Variants in COX18 observed in about 807,000 individuals in gnomAD.
COX18 encodes cytochrome c oxidase assembly protein COX18, mitochondrial.
A neutral mutation model predicts 38.0 loss-of-function variants in COX18; 45 were observed. That is an observed-to-expected ratio of 1.18 (90% CI 0.93 to 1.52). COX18 has a LOEUF of 1.52. COX18 is among the 40% of genes most tolerant of loss of function. COX18 has a pLI of 0.00. For missense variants in COX18, 462 were observed against 423.8 expected, an observed-to-expected ratio of 1.09 and a Z score of -0.79; for synonymous variants, 177 against 169.8, an observed-to-expected ratio of 1.04 and a Z score of -0.33.
chr4:73,057,975 A>G lies in COX18; in HGVS notation c.*139T>C. The G allele has an allele frequency of 1.6e-6, 1 of 629,594 alleles. No individual in the cohort carries two copies. Among genetic ancestry groups the G allele is most frequent in the Non-Finnish European group, 2.7e-6 (1 of 376,158 alleles). The allele number at this position is 629,594 out of a possible 1,614,324, so 39.0% of individuals were successfully genotyped here. On this transcript the variant is annotated 3_prime_UTR_variant, in exon 6 of 6. Coordinates refer to ENST00000507544, the MANE Select transcript of COX18 (RefSeq NM_001297732.2). ...GCATGAGCCACTGTGCCTGGTCTGG[A>G]TTACATCTTAACCTACAATATTTCA...
intron 5 of COX18, 31 bp downstream of exon 5, chr4:73,061,782 C>T (rs1720171891): frequency 8.3e-7 from 1 of 1,207,532 alleles, no homozygotes. Context: ...GGATTTAGCA[C>T]ATGCTACACA....
chr4:73,065,390 C>T lies in COX18; in HGVS notation c.458G>A (p.Arg153Lys), dbSNP rs1019343228. 6.2e-7 allele frequency: 1 copy of T among 1,612,790 alleles called. No homozygotes were observed. The highest frequency in any genetic ancestry group is 8.5e-7 in the Non-Finnish European group (1 of 1,179,418). ...CACATATAGCTCTGAAATTAGCCTC[C>T]TCATATTCTTTAGATAAGTGAGCCT... ...DARLTYLKNM[R>K]RLISELYVRD... Residue 153 changes from arginine (R) to lysine (K), a missense_variant, in exon 3 of 6, where the codon AGG (arginine) becomes AAG (lysine). Physicochemically the swap from Arg to Lys is conservative, Grantham distance 26. Transcript: ENST00000507544.
At chr4:73,058,418 C>A in intron 5 of COX18, 131 bp from the exon 6 acceptor site, 1 of 636,330 alleles carries the variant, frequency 1.6e-6, no homozygotes, top group South Asian at 2.5e-5. Flanking sequence ...GCAGCAGCTA[C>A]TAGATTCCTG....
intron 2 of COX18, among the ~76,000 whole-genome samples, 165 bp downstream of exon 2, chr4:73,067,864 A>AAAAAAAAAATATAT: frequency 7.0e-4 from 14 of 20,012 alleles, no homozygotes; most frequent in Admixed American, 1.2e-3. Context: ...AAAAAAAAAA[A>AAAAAAAAAATATAT]ATATATATAT....
intron 3 of COX18, 23 bp downstream of exon 3, chr4:73,065,227 G>T: frequency 2.0e-6 from 3 of 1,504,186 alleles, no homozygotes; most frequent in Non-Finnish European, 2.7e-6. Context: ...GAACTTCTTT[G>T]GGAGAAGACA....
In COX18 at chr4:73,052,395, A is replaced by C. The variant is rs140166062; in HGVS notation, c.*5719T>G. The C allele has an allele frequency of 4.5e-4, 69 of 152,066 alleles. 2 individuals are homozygous for C. The East Asian group carries it at 0.012, about 26-fold the overall frequency. 9.4% of individuals were successfully genotyped at this position (152,066 alleles called of 1,614,324 possible). On this transcript the variant is annotated 3_prime_UTR_variant, in exon 6 of 6. Transcript: ENST00000507544. Reference sequence around the variant, plus strand: ...ATAGTTGTATTTTTATTTTTATATAAATTTATATTCTTATTTTAGTTGTAT... The same window carrying C: ...ATAGTTGTATTTTTATTTTTATATACATTTATATTCTTATTTTAGTTGTAT...
At chr4:73,062,037 A>G (rs1720196866) in intron 4 of COX18, 117 bp from the exon 5 acceptor site, 1 of 604,436 alleles carries the variant, frequency 1.7e-6, no homozygotes, top group Non-Finnish European at 2.9e-6. Context: ...AATAAAAGTT[A>G]TATATATACA....
Position 73,056,980 on chromosome 4 carries a change from G to C in COX18, c.*1134C>G, listed in dbSNP as rs1361853347. 1 of 152,060 alleles carries C rather than the reference G, an allele frequency of 6.6e-6. No homozygotes were observed. Among genetic ancestry groups the C allele is most frequent in the African/African-American group, 2.4e-5 (1 of 41,334 alleles). 9.4% of individuals were successfully genotyped at this position (152,060 alleles called of 1,614,324 possible). A position where few individuals can be genotyped will look rare whatever the true frequency, so the allele number is the denominator to read the frequency against. On this transcript the variant is annotated 3_prime_UTR_variant, in exon 6 of 6. Coordinates refer to ENST00000507544, the MANE Select transcript of COX18 (RefSeq NM_001297732.2). The stretch of plus-strand genomic sequence containing the variant: ...TACTAAAAATACAAAACTTAGCTGG[G>C]CATGGTGGTGCACCCCTGTAGTCCC...
intron 2 of COX18, among the ~76,000 whole-genome samples, chr4:73,067,523 A>G (rs1720508210): frequency 6.6e-6 from 1 of 152,080 alleles, no homozygotes; most frequent in Admixed American, 6.6e-5. Context: ...TGAAACTATC[A>G]TGCCATATTA....
intron 2 of COX18, among the ~76,000 whole-genome samples, chr4:73,067,380 A>C (rs1479408927): frequency 6.6e-6 from 1 of 152,162 alleles, no homozygotes; most frequent in Non-Finnish European, 1.5e-5. Context: ...CATCATCTTT[A>C]TATAACAGTT....
At chr4:73,061,463 C>A (rs1720149633) in intron 5 of COX18, among the ~76,000 whole-genome samples, 1 of 151,608 alleles carries the variant, frequency 6.6e-6, no homozygotes, top group Non-Finnish European at 1.5e-5. Flanking sequence ...AATCCCAGCA[C>A]TTTCGGAGGC....
At chr4:73,067,214 C>T (rs934478902) in intron 2 of COX18, among the ~76,000 whole-genome samples, 4 of 152,220 alleles carry the variant, frequency 2.6e-5, no homozygotes, top group African/African-American at 9.6e-5. Flanking sequence ...TTTCTACCTC[C>T]TCTTTCCTGT....
chr4:73,058,369 T>A (rs1719997559), intron 5 of COX18, 82 bp from the exon 6 acceptor site: 11 of 1,033,682 alleles, frequency 1.1e-5, no homozygotes, highest in Non-Finnish European at 1.5e-5. Context: ...AAAATGACAA[T>A]CTTTGTAAAT....
At chr4:73,059,143 T>G (rs1720030210) in intron 5 of COX18, among the ~76,000 whole-genome samples, 1 of 152,094 alleles carries the variant, frequency 6.6e-6, no homozygotes, top group African/African-American at 2.4e-5. Flanking sequence ...TTTATTTAGG[T>G]CAATACGAAG....
intron 2 of COX18, among the ~76,000 whole-genome samples, chr4:73,066,753 A>G (rs986952216): frequency 2.0e-5 from 3 of 152,154 alleles, no homozygotes; most frequent in Non-Finnish European, 4.4e-5. Context: ...GATAAGTAAA[A>G]TTTCAAACCT....
intron 2 of COX18, among the ~76,000 whole-genome samples, 165 bp downstream of exon 2, chr4:73,067,864 A>AAAAATATATATATATAT: frequency 8.5e-4 from 17 of 20,010 alleles, no homozygotes; most frequent in Non-Finnish European, 2.0e-3. Flanking sequence ...AAAAAAAAAA[A>AAAAATATATATATATAT]ATATATATAT....
upstream of COX18, chr4:73,069,730 C>A: frequency 1.5e-6 from 2 of 1,360,790 alleles, no homozygotes; most frequent in Non-Finnish European, 2.0e-6. Context: ...GATACGCGCA[C>A]GCGCCAGCAA....
At position 73,054,836 on chromosome 4, in the gene COX18, G is replaced by A. The variant is rs1719829411; in HGVS notation, c.*3278C>T. The A allele has an allele frequency of 6.6e-6, 1 of 152,106 alleles. No individual in the cohort carries two copies. 9.4% of individuals were successfully genotyped at this position (152,106 alleles called of 1,614,324 possible). A position where few individuals can be genotyped will look rare whatever the true frequency, so the allele number is the denominator to read the frequency against. ...TTGCCCAGGCTGATCTGGAACTCCTGGCCACAAGGATCTGCCCTATCCTGA... is the reference window on the plus strand; with the variant it reads ...TTGCCCAGGCTGATCTGGAACTCCTAGCCACAAGGATCTGCCCTATCCTGA... On this transcript the variant is annotated 3_prime_UTR_variant, in exon 6 of 6. Coordinates refer to ENST00000507544, the MANE Select transcript of COX18 (RefSeq NM_001297732.2).
At position 73,058,364 on chromosome 4, in the gene COX18, G is replaced by C. The variant is rs191617169; in HGVS notation, c.832-77C>G. Reference sequence around the variant, plus strand: ...CAGTCCAGACAATAAAAAATAAAATGACAATCTTTGTAAATACAAGTATGC... The same window carrying C: ...CAGTCCAGACAATAAAAAATAAAATCACAATCTTTGTAAATACAAGTATGC... On this transcript the variant is annotated intron_variant, in intron 5 of 5. Transcript: ENST00000507544. 977 of 1,086,696 alleles carry C rather than the reference G, an allele frequency of 9.0e-4. 2 individuals carry two copies. The highest frequency in any genetic ancestry group is 8.2e-4 in the Non-Finnish European group (626 of 763,574). 67.3% of individuals were successfully genotyped at this position (1,086,696 alleles called of 1,614,324 possible). A position where few individuals can be genotyped will look rare whatever the true frequency, so the allele number is the denominator to read the frequency against.
Sources: gnomAD v4.1 joint callset for allele counts (sites outside exome capture counted in the v4.1 genomes callset) on GRCh38, gnomAD v4.1.1 for gene constraint, MANE v1.5 for transcripts, NCBI Gene and HGNC (gene_info 2026-07-23, HGNC 2026-07-21) for gene names.